Variants in L3MBTL4 observed in about 807,000 individuals in gnomAD.
The protein encoded by L3MBTL4 is lethal(3)malignant brain tumor-like protein 4.
Under a neutral mutation model 84.5 loss-of-function variants are expected in L3MBTL4, and 70 were observed. That is an observed-to-expected ratio of 0.83 (90% CI 0.68 to 1.01). L3MBTL4 has a LOEUF of 1.01. Ranked by LOEUF, L3MBTL4 falls within the 50% of genes least tolerant of loss-of-function variation. L3MBTL4 has a pLI of 0.00. For missense variants in L3MBTL4, 715 were observed against 754.8 expected (o/e 0.95, Z 0.62); for synonymous variants, 274 against 259.8 (o/e 1.05, Z -0.52).
intron 15 of L3MBTL4, among the ~76,000 whole-genome samples, chr18:6,085,280 C>G (rs1027809321): frequency 6.6e-6 from 1 of 152,122 alleles, no homozygotes; most frequent in Non-Finnish European, 1.5e-5. Context: ...ATGCCTACAC[C>G]ATGGAATACA....
intron 12 of L3MBTL4, among the ~76,000 whole-genome samples, chr18:6,208,312 C>A (rs1336635987): frequency 1.3e-5 from 2 of 152,066 alleles, no homozygotes; most frequent in African/African-American, 4.8e-5. Flanking sequence ...ACTTATTGGT[C>A]TGACATAAAA....
intron 16 of L3MBTL4, among the ~76,000 whole-genome samples, chr18:6,004,902 C>T (rs1368480645): frequency 6.8e-6 from 1 of 146,926 alleles, no homozygotes; most frequent in Admixed American, 6.9e-5. Context: ...CAGGTGATGA[C>T]TAACTTCTGG....
intron 6 of L3MBTL4, 105 bp from the exon 7 acceptor site, chr18:6,243,534 A>G (rs1301305402): frequency 1.2e-6 from 1 of 857,098 alleles, no homozygotes; most frequent in African/African-American, 1.7e-5. Flanking sequence ...TCAACATATA[A>G]GAGCCAACCC....
intron 16 of L3MBTL4, among the ~76,000 whole-genome samples, chr18:6,005,085 C>T (rs375873196): frequency 6.5e-5 from 9 of 138,484 alleles, no homozygotes; most frequent in East Asian, 6.4e-4. Flanking sequence ...GGCTCACACC[C>T]GTAATCCTAG....
At chr18:6,087,431 T>C (rs1206994212) in intron 15 of L3MBTL4, among the ~76,000 whole-genome samples, 1 of 152,150 alleles carries the variant, frequency 6.6e-6, no homozygotes, top group African/African-American at 2.4e-5. Flanking sequence ...AATTAATCTC[T>C]TGAGTCCTTT....
At chr18:6,013,573 C>T (rs1011999424) in intron 16 of L3MBTL4, among the ~76,000 whole-genome samples, 3 of 152,224 alleles carry the variant, frequency 2.0e-5, no homozygotes, top group Non-Finnish European at 4.4e-5. Context: ...CACCCTTGCC[C>T]AGTGAACGCC....
intron 10 of L3MBTL4, among the ~76,000 whole-genome samples, chr18:6,218,843 GC>G (rs2046431338): frequency 6.6e-6 from 1 of 152,156 alleles, no homozygotes; most frequent in African/African-American, 2.4e-5. Flanking sequence ...AAGAAGTAGG[GC>G]TGCAGGGGGA....
chr18:6,037,299 G>A (rs2056188135), intron 16 of L3MBTL4, among the ~76,000 whole-genome samples: 3 of 152,336 alleles, frequency 2.0e-5, no homozygotes, highest in Admixed American at 6.5e-5. Context: ...ACGACTGAAC[G>A]TAACTGCAGT....
chr18:6,308,929 A>C (rs1374000556), intron 3 of L3MBTL4, among the ~76,000 whole-genome samples: 1 of 146,164 alleles, frequency 6.8e-6, no homozygotes, highest in African/African-American at 2.6e-5. Context: ...GAAAAGCATA[A>C]GAAAATATTT....
chr18:6,111,938 A>G (rs1320525686), intron 14 of L3MBTL4, among the ~76,000 whole-genome samples: 1 of 152,102 alleles, frequency 6.6e-6, no homozygotes, highest in African/African-American at 2.4e-5. Context: ...TATCTCCTTG[A>G]CTTATTCTTG....
intron 16 of L3MBTL4, among the ~76,000 whole-genome samples, chr18:6,050,314 C>T (rs977198951): frequency 2.6e-5 from 4 of 152,236 alleles, no homozygotes; most frequent in South Asian, 2.1e-4. Context: ...GTCAGGGAAA[C>T]GCTTTAGGAC....
intron 1 of L3MBTL4, among the ~76,000 whole-genome samples, chr18:6,334,515 T>C (rs2052225925): frequency 6.6e-6 from 1 of 152,120 alleles, no homozygotes; most frequent in Admixed American, 6.5e-5. Context: ...AAAATGATAA[T>C]AAAAATATGT....
chr18:6,376,962 G>T (rs2054395605), intron 1 of L3MBTL4, among the ~76,000 whole-genome samples: 1 of 152,108 alleles, frequency 6.6e-6, no homozygotes, highest in South Asian at 2.1e-4. Context: ...AACTATCTAA[G>T]GACATTAGTA....
rs186424566 is a variant in L3MBTL4, at chr18:6,236,248, A to G, written c.784+1716T>C. Among the ~76,000 whole-genome samples, 333 of 152,374 alleles carry G rather than the reference A, an allele frequency of 2.2e-3. 1 individual carries two copies. Among genetic ancestry groups the G allele is most frequent in the African/African-American group, 7.7e-3 (322 of 41,598 alleles). On this transcript the variant is annotated intron_variant, in intron 10 of 18. Transcript: ENST00000317931. ...TGGTATAAATTGGACATACGAACCAATGAAAAAGAACTGAGGGACCTGAAA... is the reference window on the plus strand; with the variant it reads ...TGGTATAAATTGGACATACGAACCAGTGAAAAAGAACTGAGGGACCTGAAA...
intron 7 of L3MBTL4, 131 bp downstream of exon 7, chr18:6,243,163 A>G: frequency 2.7e-6 from 2 of 747,494 alleles, no homozygotes; most frequent in African/African-American, 3.6e-5. Context: ...ACTACTCTTT[A>G]TGGAACACAA....
rs575510190 is a variant in L3MBTL4, at chr18:6,261,216, G to A, written c.219+2731C>T. 4.6e-5 allele frequency among the ~76,000 whole-genome samples: 7 copies of A among 152,258 alleles called. No individual in the cohort carries two copies. The East Asian group carries it at 5.8e-4, about 13-fold the overall frequency. ...AAGATCCTAAGACACCATGTCATAC[G>A]TTCTTTAGTGTTTTGGCCAGTCTTA... is the stretch of plus-strand genomic sequence containing the variant. On this transcript the variant is annotated intron_variant, in intron 5 of 18. Transcript: ENST00000317931.
At chr18:6,046,411 T>A (rs1840160262) in intron 16 of L3MBTL4, among the ~76,000 whole-genome samples, 1 of 152,164 alleles carries the variant, frequency 6.6e-6, no homozygotes. Context: ...GTAGACCTAA[T>A]AGGCATCTAC....
intron 16 of L3MBTL4, among the ~76,000 whole-genome samples, chr18:6,039,298 A>C (rs2056296534): frequency 6.6e-6 from 1 of 152,118 alleles, no homozygotes; most frequent in Non-Finnish European, 1.5e-5. Flanking sequence ...CCTGTGATTA[A>C]AACACTGAAG....
intron 12 of L3MBTL4, among the ~76,000 whole-genome samples, chr18:6,209,055 A>G (rs1336797412): frequency 1.3e-5 from 2 of 152,200 alleles, no homozygotes; most frequent in African/African-American, 2.4e-5. Flanking sequence ...TCCAATTCCA[A>G]TGGCTTATCA....
Sources: allele counts gnomAD v4.1 joint callset (sites outside exome capture counted in the v4.1 genomes callset), GRCh38; gene constraint gnomAD v4.1.1; transcripts MANE v1.5; gene names NCBI Gene and HGNC (gene_info 2026-07-23, HGNC 2026-07-21).